The following CNOT2 variants were observed in gnomAD, a reference collection of about 807,000 sequenced individuals.
The protein encoded by CNOT2 is CCR4-NOT transcription complex subunit 2.
A neutral mutation model predicts 72.1 loss-of-function variants in CNOT2; 7 were observed. The observed-to-expected ratio is 0.10, with a 90% CI of 0.06 to 0.18. CNOT2 has a LOEUF of 0.18. Ranked by LOEUF, CNOT2 falls within the 10% of genes least tolerant of loss-of-function variation. The probability of loss-of-function intolerance (pLI) is 1.00; values close to 1 mark genes in which losing one functional copy is unlikely to be tolerated. For synonymous variants in CNOT2, 196 were observed against 225.6 expected (o/e 0.87, Z 1.17); for missense variants, 345 against 660.3 (o/e 0.52, Z 5.23).
intron 5 of CNOT2, 165 bp downstream of exon 5, chr12:70,329,735 A>G (rs1879642639): frequency 3.3e-6 from 2 of 605,804 alleles, no homozygotes; most frequent in East Asian, 5.6e-5. Context: ...ATTGTTAAGT[A>G]CAGTACAAGT....
At chr12:70,347,353 C>T (rs562100957) in intron 15 of CNOT2, among the ~76,000 whole-genome samples, 3 of 152,136 alleles carry the variant, frequency 2.0e-5, no homozygotes, top group African/African-American at 7.2e-5. Flanking sequence ...ACTCAAAAAG[C>T]CGGGTGCAGT....
chr12:70,343,471 A>G (rs1046490726), intron 13 of CNOT2, among the ~76,000 whole-genome samples: 1 of 152,230 alleles, frequency 6.6e-6, no homozygotes, highest in Admixed American at 6.5e-5. Context: ...ATCATCTTTC[A>G]GACATCTATT....
intron 1 of CNOT2, among the ~76,000 whole-genome samples, chr12:70,273,376 C>T (rs1868320419): frequency 6.6e-6 from 1 of 152,078 alleles, no homozygotes; most frequent in South Asian, 2.1e-4. Context: ...ACCACTTATT[C>T]CAGTTAACTT....
chr12:70,349,908 T>TGA lies in CNOT2; in HGVS notation c.1536+3586_1536+3587dup, dbSNP rs2136091857. ...CTGCAGTCCTAGCTACTTGGGAGGC[T>TGA]GAGGTAGGAGGATTGCTTGAGCCCA... On this transcript the variant is annotated intron_variant, in intron 15 of 15. Coordinates refer to ENST00000229195, the MANE Select transcript of CNOT2 (RefSeq NM_014515.7). 1.3e-5 allele frequency among the ~76,000 whole-genome samples: 2 copies of TGA among 152,138 alleles called. 1 individual carries two copies. Among genetic ancestry groups the TGA allele is most frequent in the East Asian group, 3.9e-4 (2 of 5,174 alleles).
intron 1 of CNOT2, among the ~76,000 whole-genome samples, chr12:70,253,300 T>A (rs1958241014): frequency 6.6e-6 from 1 of 152,170 alleles, no homozygotes; most frequent in African/African-American, 2.4e-5. Context: ...TTAAAATTAA[T>A]AAAATATTTT....
chr12:70,302,306 T>C (rs1874175907), intron 2 of CNOT2, among the ~76,000 whole-genome samples: 2 of 151,936 alleles, frequency 1.3e-5, no homozygotes, highest in Admixed American at 6.6e-5. Flanking sequence ...AATTGTGATG[T>C]TAGGGTGTCA....
chr12:70,256,769 C>T (rs1958470367), intron 1 of CNOT2, among the ~76,000 whole-genome samples: 1 of 151,992 alleles, frequency 6.6e-6, no homozygotes, highest in Non-Finnish European at 1.5e-5. Flanking sequence ...TCTCGTTTTT[C>T]TCTCTGATTA....
chr12:70,291,045 G>T (rs897468827), intron 2 of CNOT2, among the ~76,000 whole-genome samples: 2 of 152,096 alleles, frequency 1.3e-5, no homozygotes, highest in South Asian at 4.1e-4. Flanking sequence ...ATGAATTCCA[G>T]TTCTTATGTA....
chr12:70,314,812 TCCCTTGC>T, intron 3 of CNOT2, among the ~76,000 whole-genome samples: 1 of 152,004 alleles, frequency 6.6e-6, no homozygotes, highest in Non-Finnish European at 1.5e-5. Flanking sequence ...GTCTGCCTCC[TCCCTTGC>T]CCCTTTTCTC....
At chr12:70,306,050 A>G (rs558808355) in intron 2 of CNOT2, among the ~76,000 whole-genome samples, 4 of 152,238 alleles carry the variant, frequency 2.6e-5, no homozygotes, top group African/African-American at 9.6e-5. Flanking sequence ...AAGTGGCTCC[A>G]TTACGTCTTC....
At chr12:70,265,049 T>C (rs1958955364) in intron 1 of CNOT2, among the ~76,000 whole-genome samples, 1 of 152,168 alleles carries the variant, frequency 6.6e-6, no homozygotes, top group Non-Finnish European at 1.5e-5. Flanking sequence ...TAATATTTTG[T>C]TGAGAATTTT....
intron 15 of CNOT2, among the ~76,000 whole-genome samples, chr12:70,351,328 A>G (rs1243082818): frequency 6.6e-6 from 1 of 152,168 alleles, no homozygotes; most frequent in African/African-American, 2.4e-5. Context: ...TACAGAATGT[A>G]TGAGGTTGTG....
In CNOT2 at chr12:70,323,397, AT is replaced by A. The variant is rs1300856269; in HGVS notation, c.238+4034del. ...ATAATCTAGTAGGATAAGTACACAA[AT>A]GATTTTACTATGTAGTAGAATAAGA... On this transcript the variant is annotated intron_variant, in intron 4 of 15. Transcript: ENST00000229195. 3 of 151,916 alleles carry A rather than the reference AT, an allele frequency of 2.0e-5. No homozygotes were observed. The East Asian group carries it at 5.8e-4, about 29-fold the overall frequency. 9.4% of individuals were successfully genotyped at this position (151,916 alleles called of 1,614,324 possible). A position where few individuals can be genotyped will look rare whatever the true frequency, so the allele number is the denominator to read the frequency against.
At position 70,319,328 on chromosome 12, in the gene CNOT2, C is replaced by A. The variant is rs1877899001; in HGVS notation, c.202C>A (p.Leu68Met). 1 of 1,610,668 alleles carries A rather than the reference C, an allele frequency of 6.2e-7. No individual in the cohort carries two copies. The highest frequency in any genetic ancestry group is 8.5e-7 in the Non-Finnish European group (1 of 1,177,648). The stretch of plus-strand genomic sequence containing the variant: ...GGCATCACCATCTACATCAGGTCAG[C>A]TGTCTCAGTTTGGGGCAAGTTTATA... Reference protein sequence around the residue: ...MLASPSTSGQLSQFGASLYGQ... With the variant: ...MLASPSTSGQMSQFGASLYGQ... The change falls in exon 4 of 16, where the codon CTG becomes ATG. Residue 68 changes from leucine (L) to methionine (M), a missense_variant. By Grantham distance (15) the Leu-to-Met change is conservative. Coordinates refer to ENST00000229195, the MANE Select transcript of CNOT2 (RefSeq NM_014515.7).
Position 70,320,922 on chromosome 12 carries a change from G to T in CNOT2, c.238+1558G>T, listed in dbSNP as rs544319305. ...AAATCTGAAATTCTAACTGGGCTAA[G>T]ATATGGAATGGGTTATGTTTAAAAT... is the stretch of plus-strand genomic sequence containing the variant. On this transcript the variant is annotated intron_variant, in intron 4 of 15. Coordinates refer to ENST00000229195, the MANE Select transcript of CNOT2 (RefSeq NM_014515.7). Among the ~76,000 whole-genome samples the T allele has an allele frequency of 2.2e-3, 332 of 151,922 alleles. 2 individuals are homozygous for T. The highest frequency in any genetic ancestry group is 7.9e-3 in the African/African-American group (326 of 41,512).
At chr12:70,333,391 T>TA (rs1257820738) in intron 7 of CNOT2, among the ~76,000 whole-genome samples, 3 of 151,936 alleles carry the variant, frequency 2.0e-5, no homozygotes, top group Non-Finnish European at 4.4e-5. Context: ...ATTTTGACAG[T>TA]AAAAAATTCC....
At chr12:70,340,867 A>G (rs1345907007) in intron 11 of CNOT2, among the ~76,000 whole-genome samples, 1 of 144,382 alleles carries the variant, frequency 6.9e-6, no homozygotes, top group Non-Finnish European at 1.5e-5. Context: ...TTGTGGTTTC[A>G]TTATGATTAA....
chr12:70,265,617 T>C (rs1959003593), intron 1 of CNOT2, among the ~76,000 whole-genome samples: 1 of 152,110 alleles, frequency 6.6e-6, no homozygotes, highest in Non-Finnish European at 1.5e-5. Flanking sequence ...GTTTAATTCT[T>C]TTTTTCAATT....
intron 3 of CNOT2, among the ~76,000 whole-genome samples, chr12:70,316,302 TAC>T (rs1185299120): frequency 6.6e-6 from 1 of 152,210 alleles, no homozygotes; most frequent in Non-Finnish European, 1.5e-5. Flanking sequence ...AAAAAATATA[TAC>T]ATTTTGTTTT....
Sources: allele counts gnomAD v4.1 joint callset (sites outside exome capture counted in the v4.1 genomes callset), GRCh38; gene constraint gnomAD v4.1.1; transcripts MANE v1.5; gene names NCBI Gene and HGNC (gene_info 2026-07-23, HGNC 2026-07-21).